GLRB: variants seen among roughly 807,000 people sequenced by gnomAD.
GLRB encodes the protein glycine receptor beta, also known as glycine receptor subunit beta.
In GLRB, 33 loss-of-function variants were observed where a neutral mutation model predicts 54.2. The ratio of observed to expected loss-of-function variants is 0.61; its 90% CI spans 0.46 to 0.81. GLRB has a LOEUF of 0.81. Ranked by LOEUF, GLRB falls within the 40% of genes least tolerant of loss-of-function variation. The probability of loss-of-function intolerance (pLI) is 0.00; values close to 1 mark genes in which losing one functional copy is unlikely to be tolerated. For missense variants in GLRB, 572 were observed against 584.6 expected (o/e 0.98, Z 0.22); for synonymous variants, 209 against 208.2 (o/e 1.00, Z -0.03).
rs201748580 is a variant in GLRB at position 157,077,988 on chromosome 4, T to C, written c.-29-8T>C. 387 of 1,569,748 alleles carry C rather than the reference T, an allele frequency of 2.5e-4. 1 individual carries two copies. In the African/African-American group the frequency reaches 4.4e-3, roughly 18 times the overall value. ...TAAATGTAAACATTTTCTTGTTCTC[T>C]CTTGTAGATCGATCTTCTGAAATTC... is the stretch of plus-strand genomic sequence containing the variant. On this transcript the variant is annotated splice_region_variant and splice_polypyrimidine_tract_variant and intron_variant, in intron 1 of 9. Coordinates refer to ENST00000264428, the MANE Select transcript of GLRB (RefSeq NM_000824.5).
intron 8 of GLRB, among the ~76,000 whole-genome samples, chr4:157,146,103 A>G (rs1579238067): frequency 6.6e-6 from 1 of 150,824 alleles, no homozygotes; most frequent in Admixed American, 6.6e-5. Flanking sequence ...TGCAGCCTCC[A>G]CCTCCCAGGT....
chr4:157,108,530 A>G (rs947107136), intron 2 of GLRB, among the ~76,000 whole-genome samples: 5 of 152,230 alleles, frequency 3.3e-5, no homozygotes, highest in African/African-American at 1.2e-4. Flanking sequence ...TTAAATTAAA[A>G]CTGGAACCTG....
intron 2 of GLRB, among the ~76,000 whole-genome samples, chr4:157,087,842 A>G (rs1734467673): frequency 6.6e-6 from 1 of 151,876 alleles, no homozygotes; most frequent in African/African-American, 2.4e-5. Context: ...AAAAAGGTAT[A>G]TTTGCAAAAG....
chr4:157,079,956 G>GCTC (rs1734167993), intron 2 of GLRB, among the ~76,000 whole-genome samples: 1 of 152,030 alleles, frequency 6.6e-6, no homozygotes, highest in African/African-American at 2.4e-5. Context: ...AGCTGATAAG[G>GCTC]CTCCTGTTCT....
chr4:157,080,792 C>CTT (rs147367908), intron 2 of GLRB, among the ~76,000 whole-genome samples: 2 of 145,942 alleles, frequency 1.4e-5, no homozygotes, highest in Non-Finnish European at 1.5e-5. Context: ...TTTGTTTATA[C>CTT]TTTTTTTTTT....
At chr4:157,105,663 T>C (rs1735196246) in intron 2 of GLRB, among the ~76,000 whole-genome samples, 1 of 152,142 alleles carries the variant, frequency 6.6e-6, no homozygotes. Context: ...TTATCAGTTC[T>C]ATCAATGTTT....
intron 9 of GLRB, among the ~76,000 whole-genome samples, chr4:157,154,052 C>G (rs1480662091): frequency 1.3e-5 from 2 of 152,160 alleles, no homozygotes; most frequent in East Asian, 3.9e-4. Context: ...AGCCAAGACC[C>G]TCTGCAAATA....
At chr4:157,139,491 GA>G (rs1424528544) in intron 7 of GLRB, among the ~76,000 whole-genome samples, 1 of 152,060 alleles carries the variant, frequency 6.6e-6, no homozygotes, top group Non-Finnish European at 1.5e-5. Flanking sequence ...AGCCAATTAT[GA>G]AAAGGAAAAC....
At chr4:157,150,828 A>G (rs1736995648) in intron 8 of GLRB, among the ~76,000 whole-genome samples, 1 of 151,732 alleles carries the variant, frequency 6.6e-6, no homozygotes, top group East Asian at 1.9e-4. Flanking sequence ...GCTTTTTTTC[A>G]CATCTGTCCT....
chr4:157,111,173 A>G (rs1332991710), intron 2 of GLRB, among the ~76,000 whole-genome samples: 2 of 151,990 alleles, frequency 1.3e-5, no homozygotes, highest in Admixed American at 6.6e-5. Flanking sequence ...GTAGCACCAG[A>G]AAAAGTTGGG....
rs1296736519 is a variant in GLRB, at chr4:157,157,477, C to T, written c.1197+4467C>T. Among the ~76,000 whole-genome samples the T allele has an allele frequency of 2.6e-5, 4 of 152,124 alleles. No homozygotes were observed. In the East Asian group the frequency reaches 7.7e-4, roughly 29 times the overall value. ...TTTACATTAGGTAGATCTCCTAATGCTATCCCTCCCCGCTCCCCCCACCCC... is the reference window on the plus strand; with the variant it reads ...TTTACATTAGGTAGATCTCCTAATGTTATCCCTCCCCGCTCCCCCCACCCC... On this transcript the variant is annotated intron_variant, in intron 9 of 9. Transcript: ENST00000264428.
At chr4:157,147,159 CT>C (rs1173383724) in intron 8 of GLRB, among the ~76,000 whole-genome samples, 1 of 152,038 alleles carries the variant, frequency 6.6e-6, no homozygotes, top group African/African-American at 2.4e-5. Context: ...GGAATTTAAA[CT>C]TTGTCAAAAT....
At chr4:157,113,968 A>G in intron 2 of GLRB, among the ~76,000 whole-genome samples, 1 of 152,122 alleles carries the variant, frequency 6.6e-6, no homozygotes, top group Middle Eastern at 3.4e-3. Context: ...ATTATAGGAT[A>G]AGTAGGAAAA....
intron 2 of GLRB, among the ~76,000 whole-genome samples, chr4:157,112,169 G>A (rs141693849): frequency 6.9e-4 from 104 of 151,640 alleles, no homozygotes; most frequent in African/African-American, 1.2e-3. Flanking sequence ...CCTGATGCCC[G>A]GGCCACATCC....
intron 2 of GLRB, among the ~76,000 whole-genome samples, chr4:157,082,008 T>G (rs73856812): frequency 4.6e-5 from 7 of 152,160 alleles, no homozygotes. Context: ...CTTTCACATC[T>G]CTGCAAGTGT....
chr4:157,097,143 C>T (rs557926056), intron 2 of GLRB, among the ~76,000 whole-genome samples: 6 of 152,184 alleles, frequency 3.9e-5, no homozygotes, highest in South Asian at 4.1e-4. Context: ...TATAAGAAAT[C>T]GAGATATTGT....
intron 4 of GLRB, among the ~76,000 whole-genome samples, chr4:157,124,472 C>T (rs1735946588): frequency 6.6e-6 from 1 of 151,726 alleles, no homozygotes; most frequent in Admixed American, 6.6e-5. Flanking sequence ...TCTACTTACT[C>T]ATTTTTCCAT....
intron 4 of GLRB, among the ~76,000 whole-genome samples, chr4:157,129,241 A>T (rs1440218619): frequency 6.6e-6 from 1 of 151,754 alleles, no homozygotes. Flanking sequence ...CAATTAAGTA[A>T]TTTCCCACTC....
In GLRB at chr4:157,155,052, A is replaced by G. The variant is rs1024941386; in HGVS notation, c.1197+2042A>G. 2.5e-4 allele frequency among the ~76,000 whole-genome samples: 38 copies of G among 152,302 alleles called. 1 individual carries two copies. Among genetic ancestry groups the G allele is most frequent in the Admixed American group, 1.4e-3 (22 of 15,288 alleles). ...CTCAAGGAGAAGAAAATGTTATTGT[A>G]TATTTTTGCTATGTTTTTCTTTCAT... On this transcript the variant is annotated intron_variant, in intron 9 of 9. Coordinates refer to ENST00000264428, the MANE Select transcript of GLRB (RefSeq NM_000824.5).
Sources: gnomAD v4.1 joint callset for allele counts (sites outside exome capture counted in the v4.1 genomes callset) on GRCh38, gnomAD v4.1.1 for gene constraint, MANE v1.5 for transcripts, NCBI Gene and HGNC (gene_info 2026-07-23, HGNC 2026-07-21) for gene names.